Variants in TIAM1 observed in about 807,000 individuals in gnomAD.
TIAM1 encodes the protein TIAM Rac1 associated GEF 1.
A neutral mutation model predicts 163.5 loss-of-function variants in TIAM1; 65 were observed. The ratio of observed to expected loss-of-function variants is 0.40; its 90% confidence interval spans 0.33 to 0.49. TIAM1 has a LOEUF of 0.49. Ranked by LOEUF, TIAM1 falls within the 20% of genes least tolerant of loss-of-function variation. TIAM1 has a pLI of 0.77. For synonymous variants in TIAM1, 833 were observed against 810.1 expected (o/e 1.03, Z -0.48); for missense variants, 1,789 against 2,044.7 (o/e 0.87, Z 2.41).
At chr21:31,243,971 T>C (rs533921511) in intron 6 of TIAM1, among the ~76,000 whole-genome samples, 35 of 152,334 alleles carry the variant, frequency 2.3e-4, no homozygotes, top group African/African-American at 4.8e-4. Flanking sequence ...ATTCAACTAG[T>C]AGGCTGCATT....
At chr21:31,541,408 G>C (rs1228630902) in intron 1 of TIAM1, among the ~76,000 whole-genome samples, 1 of 152,110 alleles carries the variant, frequency 6.6e-6, no homozygotes, top group African/African-American at 2.4e-5. Flanking sequence ...ACTGAGCCAA[G>C]ATCATGCCAC....
intron 1 of TIAM1, among the ~76,000 whole-genome samples, chr21:31,472,978 C>T (rs899772134): frequency 2.0e-5 from 3 of 152,130 alleles, no homozygotes; most frequent in African/African-American, 7.2e-5. Flanking sequence ...TCTTCCTCAC[C>T]CCTCACTCAA....
chr21:31,174,344 T>C (rs943136583), intron 15 of TIAM1, among the ~76,000 whole-genome samples: 1 of 152,232 alleles, frequency 6.6e-6, no homozygotes, highest in Non-Finnish European at 1.5e-5. Context: ...CTTTCACGGC[T>C]ATCACAGAGG....
chr21:31,294,820 C>A (rs1372969559), intron 2 of TIAM1, among the ~76,000 whole-genome samples: 1 of 152,152 alleles, frequency 6.6e-6, no homozygotes, highest in Non-Finnish European at 1.5e-5. Flanking sequence ...CTGCCTCACT[C>A]GCACAAGCAC....
intron 2 of TIAM1, among the ~76,000 whole-genome samples, chr21:31,280,023 C>T (rs968607263): frequency 1.1e-4 from 16 of 150,560 alleles, no homozygotes; most frequent in African/African-American, 3.8e-4. Context: ...CAGACACACA[C>T]GCGTGCGCGC....
chr21:31,243,252 A>T (rs1028352562), intron 6 of TIAM1, among the ~76,000 whole-genome samples: 3 of 146,280 alleles, frequency 2.1e-5, no homozygotes, highest in African/African-American at 7.4e-5. Context: ...TGTATATTTT[A>T]TATATATATA....
chr21:31,258,486 A>T (rs1053667593), intron 4 of TIAM1, among the ~76,000 whole-genome samples: 1 of 152,194 alleles, frequency 6.6e-6, no homozygotes, highest in African/African-American at 2.4e-5. Context: ...ATGCAATCGG[A>T]GTTCACTTAA....
rs145004169 is a variant in TIAM1, at chr21:31,255,130, T to C, written c.964-2941A>G. On this transcript the variant is annotated intron_variant, in intron 4 of 27. Coordinates refer to ENST00000541036, the MANE Select transcript of TIAM1 (RefSeq NM_001353694.2). Reference sequence around the variant, plus strand: ...CCACTAAACCAAGCAAGGAAGTGATTACTCCAGGTAAAAGACCTGCGGGCC... The same window carrying C: ...CCACTAAACCAAGCAAGGAAGTGATCACTCCAGGTAAAAGACCTGCGGGCC... 2.9e-3 allele frequency among the ~76,000 whole-genome samples: 435 copies of C among 152,312 alleles called. 6 individuals are homozygous for C. The highest frequency in any genetic ancestry group is 0.012 in the South Asian group (59 of 4,824).
At chr21:31,310,975 C>T (rs943016443) in intron 2 of TIAM1, among the ~76,000 whole-genome samples, 1 of 152,148 alleles carries the variant, frequency 6.6e-6, no homozygotes, top group Non-Finnish European at 1.5e-5. Flanking sequence ...GGCCGCATTC[C>T]AATTTTTCTT....
intron 1 of TIAM1, among the ~76,000 whole-genome samples, chr21:31,513,274 A>G (rs1404093847): frequency 1.3e-5 from 2 of 152,184 alleles, no homozygotes; most frequent in Non-Finnish European, 2.9e-5. Context: ...GGTAAACTAT[A>G]TGACACCATT....
chr21:31,153,162 C>T, intron 17 of TIAM1, 28 bp from the exon 18 acceptor site: 1 of 1,571,594 alleles, frequency 6.4e-7, no homozygotes, highest in Non-Finnish European at 8.7e-7. Context: ...AACTCATTAG[C>T]TTATGTGTTT....
At chr21:31,239,001 G>A (rs2071031673) in intron 6 of TIAM1, among the ~76,000 whole-genome samples, 1 of 152,026 alleles carries the variant, frequency 6.6e-6, no homozygotes, top group African/African-American at 2.4e-5. Context: ...TATACAATAA[G>A]GGCTAAGTAA....
chr21:31,253,953 A>G (rs1190250775), intron 4 of TIAM1, among the ~76,000 whole-genome samples: 1 of 152,232 alleles, frequency 6.6e-6, no homozygotes, highest in South Asian at 2.1e-4. Flanking sequence ...ATTGTTGATT[A>G]TTCAGGATAA....
chr21:31,160,318 A>G (rs959127775), intron 16 of TIAM1: 3 of 396,928 alleles, frequency 7.6e-6, no homozygotes, highest in Admixed American at 4.4e-5. Context: ...CCAGAGGGTA[A>G]AAGGACAGAA....
chr21:31,484,907 G>A (rs939681025), intron 1 of TIAM1, among the ~76,000 whole-genome samples: 3 of 152,192 alleles, frequency 2.0e-5, no homozygotes, highest in Non-Finnish European at 4.4e-5. Flanking sequence ...GGATTAGTGT[G>A]CTTATACAAG....
chr21:31,339,126 CACAA>C (rs1400985787), intron 2 of TIAM1, 113 bp downstream of exon 2: 11 of 387,192 alleles, frequency 2.8e-5, no homozygotes, highest in Admixed American at 1.3e-4. Flanking sequence ...AAACAATCGT[CACAA>C]ACAATGAACT....
chr21:31,171,047 A>C (rs1029150075), intron 15 of TIAM1, among the ~76,000 whole-genome samples: 5 of 150,322 alleles, frequency 3.3e-5, no homozygotes, highest in African/African-American at 9.8e-5. Flanking sequence ...AAAAAAAAAA[A>C]AAAAAAAAAA....
intron 2 of TIAM1, among the ~76,000 whole-genome samples, chr21:31,378,654 T>C (rs1449067610): frequency 1.3e-5 from 2 of 152,180 alleles, no homozygotes; most frequent in African/African-American, 4.8e-5. Context: ...AAGACAATCT[T>C]TTTCCCACTC....
chr21:31,529,352 C>A (rs2047901629), intron 1 of TIAM1, among the ~76,000 whole-genome samples: 1 of 152,072 alleles, frequency 6.6e-6, no homozygotes, highest in Admixed American at 6.6e-5. Flanking sequence ...GCAGATAAAA[C>A]AATTAGAAAA....
Sources: gnomAD v4.1 joint callset for allele counts (sites outside exome capture counted in the v4.1 genomes callset) on GRCh38, gnomAD v4.1.1 for gene constraint, MANE v1.5 for transcripts, NCBI Gene and HGNC (gene_info 2026-07-23, HGNC 2026-07-21) for gene names.